The following ASXL3 variants were observed in gnomAD, a reference collection of about 807,000 sequenced individuals.
ASXL3 encodes putative Polycomb group protein ASXL3.
A neutral mutation model predicts 170.6 loss-of-function variants in ASXL3; 34 were observed. The observed-to-expected ratio is 0.20, with a 90% CI of 0.15 to 0.27. ASXL3 has a LOEUF of 0.27. Ranked by LOEUF, ASXL3 falls within the 10% of genes least tolerant of loss-of-function variation. ASXL3 has a pLI of 1.00. For missense variants in ASXL3, 2,592 were observed against 2,695.3 expected (o/e 0.96, Z 0.85); for synonymous variants, 1,002 against 989.1 (o/e 1.01, Z -0.24).
Position 33,613,585 on chromosome 18 carries a change from T to A in ASXL3, c.137+5909T>A, listed in dbSNP as rs115395320. On this transcript the variant is annotated intron_variant, in intron 2 of 11. Transcript: ENST00000269197. Reference sequence around the variant, plus strand: ...ATACTGTAGTCTGTTGGGTGTGCAGTAGCATTATGTATGTAAAACACTGTA... The same window carrying A: ...ATACTGTAGTCTGTTGGGTGTGCAGAAGCATTATGTATGTAAAACACTGTA... Among the ~76,000 whole-genome samples, 1,347 of 152,206 alleles carry A rather than the reference T, an allele frequency of 8.8e-3. 20 individuals are homozygous for A. The highest frequency in any genetic ancestry group is 0.03 in the African/African-American group (1,266 of 41,524).
At chr18:33,696,719 T>TA (rs148239086) in intron 8 of ASXL3, among the ~76,000 whole-genome samples, 3,354 of 152,146 alleles carry the variant, frequency 0.022, 63 homozygotes, top group South Asian at 0.1. Flanking sequence ...CATCAGGACT[T>TA]ATGCTCTATA....
chr18:33,671,693 C>G, intron 6 of ASXL3, 54 bp from the exon 7 acceptor site: 2 of 1,468,188 alleles, frequency 1.4e-6, no homozygotes, highest in Non-Finnish European at 1.8e-6. Context: ...TTAGATTTTT[C>G]TTTTCAAGGA....
At chr18:33,735,665 G>C (rs1166931325) in intron 10 of ASXL3, among the ~76,000 whole-genome samples, 1 of 152,120 alleles carries the variant, frequency 6.6e-6, no homozygotes, top group African/African-American at 2.4e-5. Context: ...GACCACTTAG[G>C]AGCCTTCTTC....
At chr18:33,612,172 C>T (rs2145133118) in intron 2 of ASXL3, among the ~76,000 whole-genome samples, 1 of 148,038 alleles carries the variant, frequency 6.8e-6, no homozygotes, top group African/African-American at 2.6e-5. Context: ...GTGAAGTGGT[C>T]ATAAAATTAA....
chr18:33,723,281 G>C (rs1185750413), intron 8 of ASXL3, among the ~76,000 whole-genome samples: 1 of 152,244 alleles, frequency 6.6e-6, no homozygotes, highest in Non-Finnish European at 1.5e-5. Context: ...AAGGTGAATT[G>C]AAAGTCTTTT....
intron 1 of ASXL3, among the ~76,000 whole-genome samples, chr18:33,592,480 C>T (rs759944120): frequency 1.3e-5 from 2 of 152,090 alleles, no homozygotes; most frequent in Non-Finnish European, 2.9e-5. Context: ...TCACTTGCAG[C>T]TTTTGAGGGT....
At chr18:33,642,739 C>T (rs890848339) in intron 2 of ASXL3, among the ~76,000 whole-genome samples, 6 of 151,748 alleles carry the variant, frequency 4.0e-5, no homozygotes, top group Non-Finnish European at 8.8e-5. Context: ...AAACTGGGTG[C>T]TTATCACATA....
intron 8 of ASXL3, among the ~76,000 whole-genome samples, chr18:33,713,429 G>T (rs1416465193): frequency 2.0e-5 from 3 of 150,502 alleles, no homozygotes; most frequent in South Asian, 2.1e-4. Context: ...GGCTAATTTT[G>T]TGTATTCTTC....
rs1326440976 is a variant in ASXL3, at chr18:33,744,148, G to A, written c.4300G>A (p.Ala1434Thr). 4 of 1,614,006 alleles carry A rather than the reference G, an allele frequency of 2.5e-6. No individual in the cohort carries two copies. The highest frequency in any genetic ancestry group is 3.4e-6 in the Non-Finnish European group (4 of 1,179,892). The change falls in exon 12 of 12, where the codon GCT (alanine) becomes ACT (threonine). Residue 1434 changes from alanine (A) to threonine (T), a missense_variant. By Grantham distance (58) the Ala-to-Thr change is moderately conservative. This residue lies in a region of ASXL3 where 2,246 missense variants were observed against 2,219.6 expected (regional missense o/e 1.01). Coordinates refer to ENST00000269197, the MANE Select transcript of ASXL3 (RefSeq NM_030632.3). ...TTATGATAGTCCTCCCAAGTTAAGTGCTGAAAGCTTGGACAAAAATTCAGG... is the reference window on the plus strand; with the variant it reads ...TTATGATAGTCCTCCCAAGTTAAGTACTGAAAGCTTGGACAAAAATTCAGG... Reference protein sequence around the residue: ...NSYDSPPKLSAESLDKNSGPR... With the variant: ...NSYDSPPKLSTESLDKNSGPR...
chr18:33,639,373 G>A (rs528886573), intron 2 of ASXL3, among the ~76,000 whole-genome samples: 5 of 152,130 alleles, frequency 3.3e-5, no homozygotes, highest in Admixed American at 2.0e-4. Context: ...AGTCTTCCTC[G>A]TTGTTCGCCA....
chr18:33,734,929 T>C (rs2067519129), intron 10 of ASXL3, among the ~76,000 whole-genome samples: 1 of 152,200 alleles, frequency 6.6e-6, no homozygotes, highest in African/African-American at 2.4e-5. Context: ...TGCTGCTTTT[T>C]TTAAGTGACA....
At chr18:33,738,112 A>G (rs2067579394) in intron 10 of ASXL3, among the ~76,000 whole-genome samples, 1 of 152,084 alleles carries the variant, frequency 6.6e-6, no homozygotes, top group African/African-American at 2.4e-5. Context: ...GAGATTATAA[A>G]AGCAGCAAAG....
chr18:33,631,762 G>A (rs769318382), intron 2 of ASXL3, among the ~76,000 whole-genome samples: 1 of 152,070 alleles, frequency 6.6e-6, no homozygotes, highest in African/African-American at 2.4e-5. Flanking sequence ...TAAGTGTGAA[G>A]TTGGCCCTGA....
At chr18:33,658,115 C>A (rs988216924) in intron 4 of ASXL3, among the ~76,000 whole-genome samples, 21 of 152,118 alleles carry the variant, frequency 1.4e-4, no homozygotes, top group Non-Finnish European at 1.9e-4. Flanking sequence ...GATAAAACAT[C>A]TGTCCTAATT....
At chr18:33,614,819 A>G (rs1346041865) in intron 2 of ASXL3, 1 of 151,458 alleles carries the variant, frequency 6.6e-6, no homozygotes, top group African/African-American at 2.4e-5. Context: ...TTTGAAAGGA[A>G]TCTTTTTTTT....
intron 2 of ASXL3, among the ~76,000 whole-genome samples, chr18:33,629,669 G>C (rs2065649500): frequency 6.6e-6 from 1 of 152,046 alleles, no homozygotes; most frequent in South Asian, 2.1e-4. Flanking sequence ...GAGAGTCTCT[G>C]TGTGTCTGGT....
At chr18:33,708,968 G>T (rs2067008620) in intron 8 of ASXL3, among the ~76,000 whole-genome samples, 2 of 152,124 alleles carry the variant, frequency 1.3e-5, no homozygotes, top group South Asian at 4.1e-4. Context: ...CTATCAATTG[G>T]GAAAACATAC....
intron 4 of ASXL3, among the ~76,000 whole-genome samples, chr18:33,654,535 A>G (rs141809456): frequency 2.6e-5 from 4 of 152,202 alleles, no homozygotes; most frequent in African/African-American, 9.6e-5. Flanking sequence ...AGTGATGCCC[A>G]TGAATGAAAC....
At chr18:33,590,388 G>A (rs1344297704) in intron 1 of ASXL3, among the ~76,000 whole-genome samples, 2 of 151,976 alleles carry the variant, frequency 1.3e-5, no homozygotes, top group Non-Finnish European at 2.9e-5. Flanking sequence ...CCAAGATCAG[G>A]TATCACGATT....
Sources: gnomAD v4.1 joint callset for allele counts (sites outside exome capture counted in the v4.1 genomes callset) on GRCh38, gnomAD v4.1.1 for gene constraint, gnomAD v4.1.1 regional missense constraint, MANE v1.5 for transcripts, NCBI Gene and HGNC (gene_info 2026-07-23, HGNC 2026-07-21) for gene names.